Variants in CDYL2 observed in about 807,000 individuals in gnomAD.
CDYL2 encodes chromodomain Y like 2, also known as chromodomain Y-like protein 2.
CDYL2 carries 23 observed loss-of-function variants against 49.4 expected under a neutral mutation model. The observed-to-expected ratio is 0.47, with a 90% CI of 0.34 to 0.66. The LOEUF (loss-of-function observed/expected upper bound fraction) is 0.66. CDYL2 is among the 30% of genes least tolerant of loss of function. The pLI, the probability that CDYL2 is intolerant of heterozygous loss-of-function variation, is 0.01. For synonymous variants in CDYL2, 360 were observed against 268.8 expected (o/e 1.34, Z -3.32); for missense variants, 678 against 656.4 (o/e 1.03, Z -0.36).
chr16:80,712,124 T>G (rs1340174747), intron 1 of CDYL2, among the ~76,000 whole-genome samples: 1 of 140,488 alleles, frequency 7.1e-6, no homozygotes, highest in Non-Finnish European at 1.5e-5. Context: ...TATATGTGTA[T>G]ATATATGTGT....
intron 2 of CDYL2, among the ~76,000 whole-genome samples, chr16:80,672,942 T>A (rs1430868465): frequency 6.6e-6 from 1 of 152,226 alleles, no homozygotes; most frequent in African/African-American, 2.4e-5. Context: ...TGTCATGCAG[T>A]AACTGTCGTA....
intron 2 of CDYL2, among the ~76,000 whole-genome samples, chr16:80,674,154 T>TA (rs1909645610): frequency 6.6e-6 from 1 of 152,314 alleles, no homozygotes; most frequent in East Asian, 1.9e-4. Context: ...CTTGGTTCAC[T>TA]AAGAGTACCT....
At chr16:80,760,375 T>C (rs979986428) in intron 1 of CDYL2, among the ~76,000 whole-genome samples, 3 of 152,162 alleles carry the variant, frequency 2.0e-5, no homozygotes, top group Non-Finnish European at 4.4e-5. Context: ...GGATAGTTAA[T>C]GAGTACAAAA....
chr16:80,678,876 T>C (rs1909860586), intron 2 of CDYL2, among the ~76,000 whole-genome samples: 1 of 151,042 alleles, frequency 6.6e-6, no homozygotes, highest in South Asian at 2.1e-4. Context: ...TGTCCAACAA[T>C]GATAGATTGG....
rs921633923 is a variant in CDYL2 at position 80,613,855 on chromosome 16, C to A, written c.1008-1019G>T. 3.3e-5 allele frequency among the ~76,000 whole-genome samples: 5 copies of A among 152,278 alleles called. No individual in the cohort carries two copies. The South Asian group carries it at 8.3e-4, about 25-fold the overall frequency. Reference sequence around the variant, plus strand: ...CTCACAAGAATAAAATCCAAATGCCCATTACGTTGGTCTGACCTTGGCCTG... The same window carrying A: ...CTCACAAGAATAAAATCCAAATGCCAATTACGTTGGTCTGACCTTGGCCTG... On this transcript the variant is annotated intron_variant, in intron 4 of 6. Transcript: ENST00000570137.
chr16:80,778,834 T>C (rs1027435346), intron 1 of CDYL2, among the ~76,000 whole-genome samples: 1 of 152,098 alleles, frequency 6.6e-6, no homozygotes, highest in Non-Finnish European at 1.5e-5. Flanking sequence ...CTCATATTAA[T>C]ATGTTACAAT....
At chr16:80,760,208 G>A (rs1240546550) in intron 1 of CDYL2, among the ~76,000 whole-genome samples, 2 of 152,136 alleles carry the variant, frequency 1.3e-5, no homozygotes, top group Non-Finnish European at 2.9e-5. Context: ...CCTCAACTAG[G>A]CAGTTTAACT....
intron 4 of CDYL2, among the ~76,000 whole-genome samples, chr16:80,620,103 G>T (rs907908924): frequency 6.6e-6 from 1 of 152,236 alleles, no homozygotes; most frequent in African/African-American, 2.4e-5. Flanking sequence ...CTGTAAACCA[G>T]CTAAACAGCC....
chr16:80,632,993 C>T, intron 3 of CDYL2, 26 bp downstream of exon 3: 2 of 1,604,960 alleles, frequency 1.2e-6, no homozygotes, highest in Non-Finnish European at 1.7e-6. Context: ...CCCAGCTTGC[C>T]CTTCCCTCTG....
At chr16:80,701,430 C>T (rs1393287300) in intron 1 of CDYL2, among the ~76,000 whole-genome samples, 1 of 152,076 alleles carries the variant, frequency 6.6e-6, no homozygotes, top group Non-Finnish European at 1.5e-5. Context: ...ACATTATTTA[C>T]ATAGTATCTA....
chr16:80,635,732 C>T (rs1040643442), intron 2 of CDYL2, among the ~76,000 whole-genome samples: 1 of 152,018 alleles, frequency 6.6e-6, no homozygotes, highest in Non-Finnish European at 1.5e-5. Context: ...TCATATGGAG[C>T]CAAAAAAGAG....
intron 1 of CDYL2, among the ~76,000 whole-genome samples, chr16:80,778,365 T>C (rs1371527617): frequency 1.3e-5 from 2 of 151,626 alleles, no homozygotes; most frequent in Non-Finnish European, 2.9e-5. Context: ...TAAGATGATA[T>C]AATTTAAGCA....
intron 4 of CDYL2, among the ~76,000 whole-genome samples, chr16:80,617,383 C>G (rs1184059409): frequency 6.6e-6 from 1 of 152,174 alleles, no homozygotes; most frequent in Non-Finnish European, 1.5e-5. Flanking sequence ...GAAGGAAGTT[C>G]TTTCACAAGA....
chr16:80,670,038 CA>C (rs1399948526), intron 2 of CDYL2, among the ~76,000 whole-genome samples: 1 of 152,226 alleles, frequency 6.6e-6, no homozygotes, highest in African/African-American at 2.4e-5. Context: ...TGGGGCACAA[CA>C]ACCTCATCAA....
In CDYL2 at chr16:80,619,168, C is replaced by T. The variant is rs557720988; in HGVS notation, c.1007+1595G>A. ...CATTACCTTCTCCTGTCTCTGTGTC[C>T]CCTCTTATGAAATAAGTTCTCTCTG... On this transcript the variant is annotated intron_variant, in intron 4 of 6. Coordinates refer to ENST00000570137, the MANE Select transcript of CDYL2 (RefSeq NM_152342.4). Among the ~76,000 whole-genome samples the T allele has an allele frequency of 3.3e-5, 5 of 152,228 alleles. No homozygotes were observed. The East Asian group carries it at 7.7e-4, about 24-fold the overall frequency.
chr16:80,659,092 GAT>G, intron 2 of CDYL2, among the ~76,000 whole-genome samples: 1 of 145,480 alleles, frequency 6.9e-6, no homozygotes, highest in Non-Finnish European at 1.5e-5. Context: ...TGGATGGATG[GAT>G]GGATGGACAG....
intron 1 of CDYL2, among the ~76,000 whole-genome samples, chr16:80,706,345 C>T (rs1043400717): frequency 6.6e-6 from 1 of 152,174 alleles, no homozygotes; most frequent in South Asian, 2.1e-4. Flanking sequence ...TGGACCCATC[C>T]GCTCAATGCT....
rs143525365 is a variant in CDYL2 at position 80,717,782 on chromosome 16, T to A, written c.25-32653A>T. On this transcript the variant is annotated intron_variant, in intron 1 of 6. Coordinates refer to ENST00000570137, the MANE Select transcript of CDYL2 (RefSeq NM_152342.4). ...AAATAAATGATTAACTAATTGCATG[T>A]GTGCAAAGCAAATACTGAAGCCAGG... is the stretch of plus-strand genomic sequence containing the variant. Among the ~76,000 whole-genome samples the A allele has an allele frequency of 5.4e-3, 827 of 152,362 alleles. 8 individuals carry two copies. The highest frequency in any genetic ancestry group is 0.018 in the African/African-American group (751 of 41,578).
At chr16:80,626,828 T>A (rs534919140) in intron 3 of CDYL2, among the ~76,000 whole-genome samples, 2 of 152,338 alleles carry the variant, frequency 1.3e-5, no homozygotes, top group South Asian at 4.1e-4. Flanking sequence ...CTTAAGCACC[T>A]AGTAGTGCCA....
Sources: allele counts gnomAD v4.1 joint callset (sites outside exome capture counted in the v4.1 genomes callset), GRCh38; gene constraint gnomAD v4.1.1; transcripts MANE v1.5; gene names NCBI Gene and HGNC (gene_info 2026-07-23, HGNC 2026-07-21).